SCEL: variants seen among roughly 807,000 people sequenced by gnomAD.
SCEL encodes the protein sciellin.
In SCEL, 113 loss-of-function variants were observed where a neutral mutation model predicts 117.6. That is an observed-to-expected ratio of 0.96 (90% CI 0.83 to 1.12). The LOEUF (loss-of-function observed/expected upper bound fraction) is 1.12. Ranked by LOEUF, SCEL falls within the 50% of genes most tolerant of loss-of-function variation. The pLI, the probability that SCEL is intolerant of heterozygous loss-of-function variation, is 0.00. For synonymous variants in SCEL, 270 were observed against 256.2 expected (o/e 1.05, Z -0.51); for missense variants, 785 against 810.8 (o/e 0.97, Z 0.39).
chr13:77,557,365 G>T (rs981658570), intron 3 of SCEL, among the ~76,000 whole-genome samples: 3 of 152,098 alleles, frequency 2.0e-5, no homozygotes, highest in Non-Finnish European at 4.4e-5. Context: ...CCAGCAATAG[G>T]TATTTGTCCG....
chr13:77,552,732 C>G (rs938303124), intron 1 of SCEL, among the ~76,000 whole-genome samples: 1 of 152,084 alleles, frequency 6.6e-6, no homozygotes, highest in Admixed American at 6.5e-5. Flanking sequence ...GCTTTTGTTG[C>G]CATTGCTTTT....
At chr13:77,601,888 G>T (rs1464966845) in intron 15 of SCEL, among the ~76,000 whole-genome samples, 177 bp from the exon 16 acceptor site, 1 of 152,200 alleles carries the variant, frequency 6.6e-6, no homozygotes, top group Non-Finnish European at 1.5e-5. Context: ...TTGCATGATG[G>T]ATAGAGCCAC....
At chr13:77,551,199 C>A (rs546457723) in intron 1 of SCEL, among the ~76,000 whole-genome samples, 6 of 152,240 alleles carry the variant, frequency 3.9e-5, no homozygotes, top group African/African-American at 1.4e-4. Flanking sequence ...TTGGAGGGAC[C>A]AACAGCCACC....
chr13:77,637,065 T>C (rs1567448537), intron 29 of SCEL, 55 bp from the exon 30 acceptor site: 3 of 863,300 alleles, frequency 3.5e-6, no homozygotes, highest in Non-Finnish European at 5.5e-6. Context: ...TGTGTTTTCT[T>C]ATCTACATAA....
chr13:77,637,074 A>G (rs759557585), intron 29 of SCEL, 46 bp from the exon 30 acceptor site: 5 of 964,216 alleles, frequency 5.2e-6, no homozygotes, highest in African/African-American at 1.7e-5. Context: ...TTATCTACAT[A>G]AGGAAAATCA....
intron 9 of SCEL, among the ~76,000 whole-genome samples, chr13:77,587,374 A>G (rs2086622762): frequency 6.6e-6 from 1 of 151,926 alleles, no homozygotes; most frequent in African/African-American, 2.4e-5. Flanking sequence ...GATTCACTGG[A>G]TCATTCCCAT....
chr13:77,550,057 A>T (rs1242334247), intron 1 of SCEL, among the ~76,000 whole-genome samples: 1 of 150,340 alleles, frequency 6.7e-6, no homozygotes, highest in Non-Finnish European at 1.5e-5. Context: ...CATAAAATTC[A>T]CCATTTTAAA....
chr13:77,553,609 C>T (rs542827114), intron 1 of SCEL, among the ~76,000 whole-genome samples: 4 of 152,144 alleles, frequency 2.6e-5, no homozygotes, highest in South Asian at 4.2e-4. Flanking sequence ...CCAAACACAG[C>T]CAGCCAGGGG....
chr13:77,589,702 A>C (rs1202169925), intron 10 of SCEL, among the ~76,000 whole-genome samples: 1 of 152,178 alleles, frequency 6.6e-6, no homozygotes, highest in East Asian at 1.9e-4. Flanking sequence ...TTATGTTACA[A>C]ATACCTTTGA....
At chr13:77,576,219 A>C (rs1041304730) in intron 9 of SCEL, among the ~76,000 whole-genome samples, 28 of 152,046 alleles carry the variant, frequency 1.8e-4, no homozygotes, top group Admixed American at 1.7e-3. Context: ...GACCTTGCTT[A>C]TATCAGTCTG....
intron 20 of SCEL, 21 bp downstream of exon 20, chr13:77,608,136 C>G: frequency 6.4e-7 from 1 of 1,568,644 alleles, no homozygotes; most frequent in Non-Finnish European, 8.7e-7. Flanking sequence ...TGTCTTACCT[C>G]TCTTCCTTCC....
chr13:77,616,818 A>G (rs2089087502), intron 24 of SCEL, among the ~76,000 whole-genome samples: 2 of 150,916 alleles, frequency 1.3e-5, no homozygotes, highest in East Asian at 1.9e-4. Context: ...GGTGAGAGGT[A>G]CATCTAGATT....
Position 77,539,629 on chromosome 13 carries a change from C to G in SCEL, c.-20+3805C>G, listed in dbSNP as rs185054137. 4.4e-3 allele frequency among the ~76,000 whole-genome samples: 667 copies of G among 152,180 alleles called. 7 individuals carry two copies. The highest frequency in any genetic ancestry group is 0.014 in the African/African-American group (595 of 41,502). Reference sequence around the variant, plus strand: ...CTCGGCTCACTGCAAGCTCCGCCTCCCGGGTTCACATCATTCTGCCTCAGC... The same window carrying G: ...CTCGGCTCACTGCAAGCTCCGCCTCGCGGGTTCACATCATTCTGCCTCAGC... On this transcript the variant is annotated intron_variant, in intron 1 of 32. Coordinates refer to ENST00000349847, the MANE Select transcript of SCEL (RefSeq NM_144777.3).
At chr13:77,626,856 G>A (rs1328642650) in intron 27 of SCEL, among the ~76,000 whole-genome samples, 2 of 151,922 alleles carry the variant, frequency 1.3e-5, no homozygotes, top group African/African-American at 4.8e-5. Flanking sequence ...GACTAACTTG[G>A]TCACAGAAGT....
At chr13:77,575,701 C>T (rs1177155297) in intron 9 of SCEL, among the ~76,000 whole-genome samples, 1 of 152,044 alleles carries the variant, frequency 6.6e-6, no homozygotes, top group Non-Finnish European at 1.5e-5. Context: ...TAAATAAAAC[C>T]TTTGGCCCTT....
intron 3 of SCEL, 92 bp from the exon 4 acceptor site, chr13:77,559,712 A>G: frequency 1.9e-6 from 2 of 1,078,476 alleles, no homozygotes; most frequent in Middle Eastern, 2.0e-4. Context: ...CTTGCCAAAA[A>G]TTGGGAGCTC....
In SCEL at chr13:77,644,325, T is replaced by A. The variant is rs2090698389; in HGVS notation, c.*51T>A. The A allele has an allele frequency of 1.3e-6, 2 of 1,571,398 alleles. No individual in the cohort carries two copies. The highest frequency in any genetic ancestry group is 2.2e-5 in the South Asian group (2 of 89,014). ...AAAGCACTCATTAAGGAATTAAAGT[T>A]ACAAGTTTTATCTTAATAATATGTA... On this transcript the variant is annotated 3_prime_UTR_variant, in exon 33 of 33. Coordinates refer to ENST00000349847, the MANE Select transcript of SCEL (RefSeq NM_144777.3).
chr13:77,556,665 C>A lies in SCEL; in HGVS notation c.113C>A (p.Thr38Asn), dbSNP rs1455426920. Residue 38 changes from threonine (T) to asparagine (N), a missense_variant, in exon 3 of 33, where the codon ACT becomes AAT. By Grantham distance (65) the Thr-to-Asn change is moderately conservative. Transcript: ENST00000349847. ...TTTCACGAGGTGAACAAAAGAAGAACTTTCTTACAGGATAACAGTTGGATA... is the reference window on the plus strand; with the variant it reads ...TTTCACGAGGTGAACAAAAGAAGAAATTTCTTACAGGATAACAGTTGGATA... ...QDFHEVNKRRTFLQDNSWIKK... is the reference protein window; with the variant it reads ...QDFHEVNKRRNFLQDNSWIKK... 6.2e-7 allele frequency: 1 copy of A among 1,614,054 alleles called. No individual in the cohort carries two copies. Among genetic ancestry groups the A allele is most frequent in the Admixed American group, 1.7e-5 (1 of 60,004 alleles).
intron 27 of SCEL, among the ~76,000 whole-genome samples, chr13:77,624,078 G>T (rs529395471): frequency 6.6e-6 from 1 of 150,814 alleles, no homozygotes; most frequent in African/African-American, 2.4e-5. Flanking sequence ...TCTCTCCTTG[G>T]CTTGTGGAAA....
Sources: gnomAD v4.1 joint callset for allele counts (sites outside exome capture counted in the v4.1 genomes callset) on GRCh38, gnomAD v4.1.1 for gene constraint, MANE v1.5 for transcripts, NCBI Gene and HGNC (gene_info 2026-07-23, HGNC 2026-07-21) for gene names.